Variants in AUTS2 observed in about 807,000 individuals in gnomAD.
AUTS2 encodes autism susceptibility gene 2 protein.
In AUTS2, 17 loss-of-function variants were observed where a neutral mutation model predicts 112.4. That is an observed-to-expected ratio of 0.15 (90% CI 0.10 to 0.23). The LOEUF (loss-of-function observed/expected upper bound fraction) is 0.23, where lower values mean the gene tolerates loss of function less well. Among genes scored for constraint, AUTS2 ranks in the 10% least tolerant of loss-of-function variants. The pLI is 1.00. For synonymous variants in AUTS2, 751 were observed against 702.7 expected, an observed-to-expected ratio of 1.07 and a Z score of -1.09; for missense variants, 1,510 against 1,701.6, an observed-to-expected ratio of 0.89 and a Z score of 1.98.
rs2129561951 is a variant in AUTS2 at position 70,791,721 on chromosome 7, G to GTT, written c.*728_*729dup. On this transcript the variant is annotated 3_prime_UTR_variant, in exon 19 of 19. Transcript: ENST00000342771. ...ACAAGCGCTTACGTGATATGACTCT[G>GTT]TTTTCCTTGCTTGTTTTTTTTCAAA... is the stretch of plus-strand genomic sequence containing the variant. The GTT allele has an allele frequency of 6.6e-6, 1 of 152,480 alleles. No homozygotes were observed. Among genetic ancestry groups the GTT allele is most frequent in the Non-Finnish European group, 1.5e-5 (1 of 68,020 alleles). 9.4% of individuals were successfully genotyped at this position (152,480 alleles called of 1,614,324 possible).
At chr7:70,705,239 C>A (rs1212758351) in intron 6 of AUTS2, among the ~76,000 whole-genome samples, 1 of 152,192 alleles carries the variant, frequency 6.6e-6, no homozygotes, top group African/African-American at 2.4e-5. Flanking sequence ...GTCTCAATTA[C>A]TCAGAAAGCG....
rs538871131 is a variant in AUTS2, at chr7:70,339,539, G to A, written c.661-96213G>A. ...GTATTAATAAGGATTATGAATTAAT[G>A]AAAACAAAAAGCTAGTCTAGCGTAC... On this transcript the variant is annotated intron_variant, in intron 4 of 18. Transcript: ENST00000342771. Among the ~76,000 whole-genome samples, 4 of 152,252 alleles carry A rather than the reference G, an allele frequency of 2.6e-5. No homozygotes were observed. In the South Asian group the frequency reaches 8.3e-4, roughly 32 times the overall value.
chr7:69,678,132 A>G (rs1453770314), intron 1 of AUTS2, among the ~76,000 whole-genome samples: 1 of 152,094 alleles, frequency 6.6e-6, no homozygotes, highest in African/African-American at 2.4e-5. Context: ...GAAATCTGGA[A>G]GTGCTCATCT....
chr7:70,277,011 A>G (rs972292667), intron 4 of AUTS2, among the ~76,000 whole-genome samples: 16 of 152,234 alleles, frequency 1.1e-4, no homozygotes, highest in African/African-American at 3.6e-4. Context: ...GGAATAGACA[A>G]CCATCCATTT....
At chr7:69,648,466 A>C (rs1309229332) in intron 1 of AUTS2, among the ~76,000 whole-genome samples, 3 of 151,768 alleles carry the variant, frequency 2.0e-5, no homozygotes, top group Non-Finnish European at 4.4e-5. Flanking sequence ...AAAAAAAAAA[A>C]AACTCCACGT....
intron 4 of AUTS2, among the ~76,000 whole-genome samples, chr7:70,177,918 G>GTTTT (rs765470016): frequency 7.4e-6 from 1 of 134,886 alleles, no homozygotes; most frequent in Admixed American, 7.5e-5. Flanking sequence ...ACATAATTCT[G>GTTTT]TTTTTTTTTT....
In AUTS2 at chr7:69,788,053, A is replaced by G. The variant is rs148437233; in HGVS notation, c.310-111233A>G. ...GGTTCAGCTAGACTTTTTCTTTTAC[A>G]GAAGAAATTGCTCTTGGTGAAGATG... is the stretch of plus-strand genomic sequence containing the variant. On this transcript the variant is annotated intron_variant, in intron 1 of 18. Transcript: ENST00000342771. Among the ~76,000 whole-genome samples, 243 of 152,282 alleles carry G rather than the reference A, an allele frequency of 1.6e-3. 1 individual carries two copies. The highest frequency in any genetic ancestry group is 5.7e-3 in the African/African-American group (236 of 41,558).
At chr7:70,496,930 T>G (rs1332854567) in intron 5 of AUTS2, among the ~76,000 whole-genome samples, 1 of 53,822 alleles carries the variant, frequency 1.9e-5, no homozygotes, top group Admixed American at 2.1e-4. Context: ...ACGTACACAG[T>G]CACACACACG....
intron 1 of AUTS2, among the ~76,000 whole-genome samples, chr7:69,728,610 AG>A (rs1241792214): frequency 1.3e-5 from 2 of 151,748 alleles, no homozygotes; most frequent in Non-Finnish European, 2.9e-5. Flanking sequence ...CGGGACAAAA[AG>A]TTACGCTCAA....
intron 4 of AUTS2, among the ~76,000 whole-genome samples, chr7:70,243,334 A>G (rs1334972803): frequency 1.3e-5 from 2 of 151,114 alleles, no homozygotes; most frequent in African/African-American, 4.9e-5. Flanking sequence ...GTCCTAATCA[A>G]TGGGATTATG....
At chr7:69,600,867 T>A (rs1469297706) in intron 1 of AUTS2, among the ~76,000 whole-genome samples, 1 of 152,092 alleles carries the variant, frequency 6.6e-6, no homozygotes, top group African/African-American at 2.4e-5. Context: ...CTTTTTTTTC[T>A]TTCTAAGTGA....
At chr7:70,748,832 A>G (rs754435960) in intron 6 of AUTS2, among the ~76,000 whole-genome samples, 1 of 152,048 alleles carries the variant, frequency 6.6e-6, no homozygotes, top group African/African-American at 2.4e-5. Flanking sequence ...AGCCTAGTCC[A>G]TTTCACTTGA....
At chr7:70,500,755 T>C (rs1478932770) in intron 5 of AUTS2, among the ~76,000 whole-genome samples, 1 of 151,968 alleles carries the variant, frequency 6.6e-6, no homozygotes, top group African/African-American at 2.4e-5. Context: ...GGAGTCCCTC[T>C]TTGTTGCTCA....
intron 10 of AUTS2, among the ~76,000 whole-genome samples, chr7:70,769,773 A>G (rs923835699): frequency 1.3e-5 from 2 of 152,170 alleles, no homozygotes; most frequent in Non-Finnish European, 2.9e-5. Flanking sequence ...GCCTTCTGAT[A>G]CGCATATTCT....
At chr7:70,319,037 A>C (rs1790129510) in intron 4 of AUTS2, among the ~76,000 whole-genome samples, 1 of 152,248 alleles carries the variant, frequency 6.6e-6, no homozygotes, top group South Asian at 2.1e-4. Context: ...TTAAAGATTT[A>C]TAGAACAAGC....
chr7:70,536,056 G>A (rs1000200261), intron 5 of AUTS2, among the ~76,000 whole-genome samples: 5 of 152,108 alleles, frequency 3.3e-5, no homozygotes, highest in African/African-American at 4.8e-5. Context: ...AGGCCGGCAC[G>A]GTGGCTCACC....
chr7:69,729,968 TG>T (rs1375554209), intron 1 of AUTS2, among the ~76,000 whole-genome samples: 19 of 148,528 alleles, frequency 1.3e-4, no homozygotes, highest in Middle Eastern at 3.5e-3. Flanking sequence ...TTAACTGGTA[TG>T]TTTTTTTTTG....
At chr7:69,660,912 C>A (rs1020081833) in intron 1 of AUTS2, among the ~76,000 whole-genome samples, 2 of 152,110 alleles carry the variant, frequency 1.3e-5, no homozygotes, top group Non-Finnish European at 2.9e-5. Flanking sequence ...TCAGCCTGGG[C>A]GACAGAGGAA....
chr7:70,154,555 T>C (rs987388037), intron 4 of AUTS2, among the ~76,000 whole-genome samples: 5 of 152,192 alleles, frequency 3.3e-5, no homozygotes, highest in African/African-American at 9.6e-5. Flanking sequence ...TCTTAACTTT[T>C]TCTGTTAGAC....
Sources: gnomAD v4.1 joint callset for allele counts (sites outside exome capture counted in the v4.1 genomes callset) on GRCh38, gnomAD v4.1.1 for gene constraint, MANE v1.5 for transcripts, NCBI Gene and HGNC (gene_info 2026-07-23, HGNC 2026-07-21) for gene names.